Variants in SKAP2 observed in about 807,000 individuals in gnomAD.
SKAP2 encodes the protein src kinase associated phosphoprotein 2, also known as src kinase-associated phosphoprotein 2.
Under a neutral mutation model 54.9 loss-of-function variants are expected in SKAP2, and 28 were observed. That is an observed-to-expected ratio of 0.51 (90% confidence interval 0.38 to 0.70). SKAP2 has a LOEUF of 0.70. Among genes scored for constraint, SKAP2 ranks in the 30% least tolerant of loss-of-function variants. The probability of loss-of-function intolerance (pLI) is 0.00; values close to 1 mark genes in which losing one functional copy is unlikely to be tolerated. For missense variants in SKAP2, 356 were observed against 424.1 expected (o/e 0.84, Z 1.41); for synonymous variants, 137 against 134.3 (o/e 1.02, Z -0.14).
intron 4 of SKAP2, among the ~76,000 whole-genome samples, chr7:26,805,726 G>A (rs781138722): frequency 3.3e-5 from 5 of 152,170 alleles, no homozygotes; most frequent in Non-Finnish European, 7.3e-5. Context: ...GCAATTTCAT[G>A]AATAGTTCTA....
At chr7:26,765,220 C>T (rs1416193143) in intron 4 of SKAP2, among the ~76,000 whole-genome samples, 1 of 152,222 alleles carries the variant, frequency 6.6e-6, no homozygotes, top group Non-Finnish European at 1.5e-5. Context: ...TTGCATTTCT[C>T]TAATGACCAG....
At chr7:26,848,422 G>A (rs1475470872) in intron 3 of SKAP2, among the ~76,000 whole-genome samples, 4 of 152,120 alleles carry the variant, frequency 2.6e-5, no homozygotes, top group Non-Finnish European at 5.9e-5. Context: ...GCTTTCTGAT[G>A]GTTCAATGTA....
At chr7:26,727,144 T>A in intron 6 of SKAP2, 138 bp from the exon 7 acceptor site, 2 of 597,376 alleles carry the variant, frequency 3.3e-6, no homozygotes, top group Non-Finnish European at 5.5e-6. Flanking sequence ...GCTTAGGTAA[T>A]GTTTTTAGAA....
At chr7:26,722,123 GAAAAGCC>G (rs1346142685) in intron 9 of SKAP2, among the ~76,000 whole-genome samples, 1 of 152,168 alleles carries the variant, frequency 6.6e-6, no homozygotes, top group Non-Finnish European at 1.5e-5. Flanking sequence ...GATATTTGAA[GAAAAGCC>G]AAATACCTTT....
chr7:26,842,551 T>C (rs1784838723), intron 4 of SKAP2, among the ~76,000 whole-genome samples: 1 of 151,904 alleles, frequency 6.6e-6, no homozygotes, highest in South Asian at 2.1e-4. Flanking sequence ...AAAATGTTTA[T>C]GCTATTTTAA....
chr7:26,677,356 C>T (rs1786372687), intron 11 of SKAP2, among the ~76,000 whole-genome samples: 1 of 147,328 alleles, frequency 6.8e-6, no homozygotes, highest in Non-Finnish European at 1.5e-5. Flanking sequence ...TGCATCACTG[C>T]ACCCCAGCCT....
At chr7:26,697,968 T>C (rs753584272) in intron 9 of SKAP2, among the ~76,000 whole-genome samples, 43 of 152,242 alleles carry the variant, frequency 2.8e-4, no homozygotes, top group Non-Finnish European at 5.3e-4. Context: ...CAACTCAATT[T>C]AGATTTTTTT....
At chr7:26,680,735 G>A (rs1010204244) in intron 11 of SKAP2, among the ~76,000 whole-genome samples, 6 of 152,114 alleles carry the variant, frequency 3.9e-5, no homozygotes, top group African/African-American at 4.8e-5. Context: ...TAAGGCAGGC[G>A]GTGTTTAGAT....
At chr7:26,694,407 C>T (rs369680848) in intron 9 of SKAP2, among the ~76,000 whole-genome samples, 1 of 151,558 alleles carries the variant, frequency 6.6e-6, no homozygotes, top group East Asian at 1.9e-4. Flanking sequence ...CAAAACTCTT[C>T]AACATGTGAA....
chr7:26,787,332 T>C (rs1783572670), intron 4 of SKAP2, among the ~76,000 whole-genome samples: 1 of 152,092 alleles, frequency 6.6e-6, no homozygotes, highest in Non-Finnish European at 1.5e-5. Context: ...TTTTTTTTTT[T>C]TCCTTTTTGA....
chr7:26,766,897 G>A (rs1434977792), intron 4 of SKAP2, among the ~76,000 whole-genome samples: 4 of 152,140 alleles, frequency 2.6e-5, no homozygotes, highest in South Asian at 2.1e-4. Flanking sequence ...TTTTCACATC[G>A]ATGTTCATCA....
chr7:26,755,068 A>G (rs1782760682), intron 4 of SKAP2, among the ~76,000 whole-genome samples: 1 of 152,192 alleles, frequency 6.6e-6, no homozygotes, highest in South Asian at 2.1e-4. Context: ...ATCATGTCTG[A>G]ATAGACCATG....
intron 4 of SKAP2, among the ~76,000 whole-genome samples, chr7:26,758,061 T>C (rs539114645): frequency 1.3e-5 from 2 of 152,204 alleles, no homozygotes; most frequent in Admixed American, 6.5e-5. Context: ...GCATCCAGCA[T>C]GATACACTAT....
chr7:26,674,201 A>G (rs1159896357), intron 11 of SKAP2, among the ~76,000 whole-genome samples: 1 of 152,196 alleles, frequency 6.6e-6, no homozygotes, highest in Non-Finnish European at 1.5e-5. Context: ...CTGTGCTTCA[A>G]AACACACCAG....
chr7:26,827,271 T>C (rs1225691684), intron 4 of SKAP2, among the ~76,000 whole-genome samples: 2 of 152,174 alleles, frequency 1.3e-5, no homozygotes, highest in Non-Finnish European at 2.9e-5. Context: ...TCTTTAAATA[T>C]GGCATTATAT....
chr7:26,732,575 G>A (rs1397912555), intron 6 of SKAP2, among the ~76,000 whole-genome samples: 2 of 152,100 alleles, frequency 1.3e-5, no homozygotes, highest in East Asian at 1.9e-4. Context: ...ATTTAAGAAG[G>A]CCTTTTCCCT....
intron 10 of SKAP2, among the ~76,000 whole-genome samples, chr7:26,686,251 C>G (rs532136998): frequency 3.3e-5 from 5 of 151,896 alleles, no homozygotes; most frequent in African/African-American, 1.2e-4. Flanking sequence ...TAAAGATGGA[C>G]TAGAAAATAT....
At chr7:26,854,271 A>C in intron 2 of SKAP2, 109 bp from the exon 3 acceptor site, 2 of 597,760 alleles carry the variant, frequency 3.3e-6, no homozygotes, top group South Asian at 5.4e-5. Context: ...ACACCTAGAT[A>C]TACATTAGAA....
chr7:26,774,125 C>T (rs1398183354), intron 4 of SKAP2, among the ~76,000 whole-genome samples: 1 of 151,990 alleles, frequency 6.6e-6, no homozygotes, highest in Non-Finnish European at 1.5e-5. Flanking sequence ...TCAGCCTGGC[C>T]AACATGGTGA....
Sources: allele counts gnomAD v4.1 joint callset (sites outside exome capture counted in the v4.1 genomes callset), GRCh38; gene constraint gnomAD v4.1.1; transcripts MANE v1.5; gene names NCBI Gene and HGNC (gene_info 2026-07-23, HGNC 2026-07-21).